Variants in SYT1 observed in about 807,000 individuals in gnomAD.
The protein encoded by SYT1 is synaptotagmin 1.
Under a neutral mutation model 44.8 loss-of-function variants are expected in SYT1, and 8 were observed. The ratio of observed to expected loss-of-function variants is 0.18; its 90% confidence interval spans 0.10 to 0.32. The LOEUF (loss-of-function observed/expected upper bound fraction) is 0.32, where lower values mean the gene tolerates loss of function less well. SYT1 is among the 10% of genes least tolerant of loss of function. The pLI is 1.00. For missense variants in SYT1, 286 were observed against 509.3 expected, an observed-to-expected ratio of 0.56 and a Z score of 4.22; for synonymous variants, 154 against 188.8, an observed-to-expected ratio of 0.82 and a Z score of 1.51.
intron 3 of SYT1, among the ~76,000 whole-genome samples, chr12:79,060,699 T>C (rs1475060480): frequency 2.0e-5 from 3 of 152,262 alleles, no homozygotes; most frequent in Non-Finnish European, 4.4e-5. Flanking sequence ...ACATTTTGTT[T>C]ATCCATTTAT....
At chr12:79,345,738 A>T (rs1036739653) in intron 8 of SYT1, among the ~76,000 whole-genome samples, 1 of 152,226 alleles carries the variant, frequency 6.6e-6, no homozygotes. Context: ...GAAAAATGCT[A>T]CCACCCAAAA....
At chr12:79,151,183 C>G (rs952472509) in intron 3 of SYT1, among the ~76,000 whole-genome samples, 1 of 152,140 alleles carries the variant, frequency 6.6e-6, no homozygotes, top group Non-Finnish European at 1.5e-5. Context: ...TTGGGCATGT[C>G]AGAGGTGTCA....
At chr12:79,102,867 T>A (rs1389927791) in intron 3 of SYT1, 2 of 152,002 alleles carry the variant, frequency 1.3e-5, no homozygotes, top group Non-Finnish European at 2.9e-5. Flanking sequence ...GTAATAGAAT[T>A]TCATAAAATG....
intron 4 of SYT1, among the ~76,000 whole-genome samples, chr12:79,230,045 A>G (rs981134801): frequency 2.0e-5 from 3 of 152,238 alleles, no homozygotes; most frequent in African/African-American, 7.2e-5. Flanking sequence ...AGTGTGGGAC[A>G]GTTTCACAGA....
intron 2 of SYT1, among the ~76,000 whole-genome samples, chr12:79,031,173 T>C (rs1216668837): frequency 1.3e-5 from 2 of 151,172 alleles, no homozygotes; most frequent in Admixed American, 1.3e-4. Context: ...ATAGTATTGA[T>C]TATACTGATA....
chr12:78,995,886 T>C (rs1870346611), intron 2 of SYT1: 1 of 152,202 alleles, frequency 6.6e-6, no homozygotes, highest in South Asian at 2.1e-4. Flanking sequence ...GAATGAACTG[T>C]GGTGTTATTT....
At chr12:79,300,552 T>C (rs1026090640) in intron 8 of SYT1, among the ~76,000 whole-genome samples, 1 of 151,964 alleles carries the variant, frequency 6.6e-6, no homozygotes, top group Non-Finnish European at 1.5e-5. Flanking sequence ...TCTGAGGCTA[T>C]GAACTTTATA....
chr12:79,079,955 TTAAATTCAAATTTAAGATTGAA>T (rs1592729564), intron 3 of SYT1, among the ~76,000 whole-genome samples: 2 of 152,198 alleles, frequency 1.3e-5, no homozygotes, highest in East Asian at 3.9e-4. Flanking sequence ...GATAACAATC[TTAAATTCAAATTTAAGATTGAA>T]TTTAATCTTA....
At chr12:79,008,548 A>G (rs1360572339) in intron 2 of SYT1, among the ~76,000 whole-genome samples, 1 of 152,160 alleles carries the variant, frequency 6.6e-6, no homozygotes, top group Admixed American at 6.6e-5. Flanking sequence ...TGAAGAGAAT[A>G]ATGGAAGTGA....
chr12:78,957,041 G>T (rs1235056786), intron 1 of SYT1, among the ~76,000 whole-genome samples: 7 of 152,166 alleles, frequency 4.6e-5, no homozygotes, highest in African/African-American at 1.4e-4. Flanking sequence ...AAAAAGATTT[G>T]CTGTTGAAAG....
intron 1 of SYT1, among the ~76,000 whole-genome samples, chr12:78,897,636 T>A (rs930020838): frequency 1.3e-5 from 2 of 151,974 alleles, no homozygotes; most frequent in Non-Finnish European, 2.9e-5. Context: ...CTAACAAGGA[T>A]CTATATATAA....
intron 1 of SYT1, among the ~76,000 whole-genome samples, chr12:78,882,589 G>T (rs962695661): frequency 6.6e-6 from 1 of 151,732 alleles, no homozygotes; most frequent in Non-Finnish European, 1.5e-5. Flanking sequence ...ACTCTGCGTG[G>T]TAGAGAGATT....
chr12:79,388,066 G>GTCA (rs978089238), intron 9 of SYT1, among the ~76,000 whole-genome samples: 66 of 152,260 alleles, frequency 4.3e-4, no homozygotes, highest in African/African-American at 1.6e-3. Context: ...AGACCAGTTT[G>GTCA]TCATAAACAC....
At chr12:78,960,201 T>C (rs1879430472) in intron 1 of SYT1, 1 of 152,254 alleles carries the variant, frequency 6.6e-6, no homozygotes, top group Middle Eastern at 3.4e-3. Flanking sequence ...TTCTTTTAGG[T>C]AGATTTCTTT....
At chr12:78,932,543 T>G (rs951868999) in intron 1 of SYT1, among the ~76,000 whole-genome samples, 7 of 152,354 alleles carry the variant, frequency 4.6e-5, no homozygotes, top group African/African-American at 1.7e-4. Context: ...GATTTGAATT[T>G]TATTGAAAAA....
intron 3 of SYT1, among the ~76,000 whole-genome samples, chr12:79,142,288 A>G (rs1383569870): frequency 1.3e-5 from 2 of 152,198 alleles, no homozygotes; most frequent in African/African-American, 4.8e-5. Context: ...TTCACTACTA[A>G]TGCTCTAAAG....
chr12:78,869,094 A>G (rs994994616), intron 1 of SYT1, among the ~76,000 whole-genome samples: 22 of 151,852 alleles, frequency 1.4e-4, no homozygotes, highest in African/African-American at 5.1e-4. Flanking sequence ...ATGTGGGTTG[A>G]TATGTTTTCA....
At chr12:78,929,306 G>T (rs1877483961) in intron 1 of SYT1, among the ~76,000 whole-genome samples, 1 of 148,948 alleles carries the variant, frequency 6.7e-6, no homozygotes, top group African/African-American at 2.5e-5. Flanking sequence ...TGAGGCTGAG[G>T]CAGGAGAATT....
chr12:79,000,420 A>G (rs1467921097), intron 2 of SYT1, among the ~76,000 whole-genome samples: 2 of 151,380 alleles, frequency 1.3e-5, no homozygotes, highest in Non-Finnish European at 2.9e-5. Context: ...CAGCCTCCCA[A>G]GTAGCTGAGA....
Sources: gnomAD v4.1 joint callset for allele counts (sites outside exome capture counted in the v4.1 genomes callset) on GRCh38, gnomAD v4.1.1 for gene constraint, MANE v1.5 for transcripts, NCBI Gene and HGNC (gene_info 2026-07-23, HGNC 2026-07-21) for gene names.